SUPT3H: variants seen among roughly 807,000 people sequenced by gnomAD.
SUPT3H encodes the protein transcription initiation protein SPT3 homolog.
Under a neutral mutation model 44.3 loss-of-function variants are expected in SUPT3H, and 44 were observed. That is an observed-to-expected ratio of 0.99 (90% CI 0.78 to 1.28). The LOEUF is 1.28. SUPT3H is among the 50% of genes most tolerant of loss of function. The probability of loss-of-function intolerance (pLI) is 0.00; values close to 1 mark genes in which losing one functional copy is unlikely to be tolerated. For missense variants in SUPT3H, 380 were observed against 387.1 expected (o/e 0.98, Z 0.15); for synonymous variants, 124 against 125.6 (o/e 0.99, Z 0.09).
At chr6:45,239,167 T>TTATTC (rs1769805081) in intron 2 of SUPT3H, among the ~76,000 whole-genome samples, 3 of 152,208 alleles carry the variant, frequency 2.0e-5, no homozygotes, top group African/African-American at 4.8e-5. Context: ...TTCTACACAA[T>TTATTC]TAATTGAAAG....
At chr6:45,029,248 T>C (rs1329998207) in intron 3 of SUPT3H, among the ~76,000 whole-genome samples, 2 of 151,598 alleles carry the variant, frequency 1.3e-5, no homozygotes, top group Non-Finnish European at 2.9e-5. Context: ...TAAGTCAGGT[T>C]TTAAAAAATA....
chr6:45,191,092 T>TA (rs1815052658), intron 2 of SUPT3H, among the ~76,000 whole-genome samples: 1 of 152,120 alleles, frequency 6.6e-6, no homozygotes, highest in Non-Finnish European at 1.5e-5. Flanking sequence ...GTAAAAAACT[T>TA]ATGTCCACAT....
At chr6:45,306,272 C>T (rs1465611546) in intron 2 of SUPT3H, among the ~76,000 whole-genome samples, 5 of 152,202 alleles carry the variant, frequency 3.3e-5, no homozygotes, top group Admixed American at 2.0e-4. Context: ...CACAACTTCC[C>T]TGTTAGGAGT....
At chr6:45,172,475 T>G (rs529652415) in intron 2 of SUPT3H, among the ~76,000 whole-genome samples, 1 of 152,250 alleles carries the variant, frequency 6.6e-6, no homozygotes, top group South Asian at 2.1e-4. Flanking sequence ...ATCCAGGGAA[T>G]GCGGCTTGAT....
chr6:45,129,900 C>T lies in SUPT3H; in HGVS notation c.102-23894G>A, dbSNP rs78367148. Among the ~76,000 whole-genome samples, 353 of 152,004 alleles carry T rather than the reference C, an allele frequency of 2.3e-3. 1 individual carries two copies. Among genetic ancestry groups the T allele is most frequent in the African/African-American group, 7.8e-3 (323 of 41,480 alleles). On this transcript the variant is annotated intron_variant, in intron 2 of 10. Transcript: ENST00000371459. ...TAAGGAGAAATAAATAGAAATGAGT[C>T]AAAACACACACAAAAAAGGCAGTGT... is the stretch of plus-strand genomic sequence containing the variant.
intron 10 of SUPT3H, among the ~76,000 whole-genome samples, chr6:44,858,598 G>A (rs890551999): frequency 1.1e-4 from 16 of 152,162 alleles, no homozygotes; most frequent in Admixed American, 9.8e-4. Context: ...ATATAAAACT[G>A]TTGGCATTCA....
intron 2 of SUPT3H, among the ~76,000 whole-genome samples, chr6:45,212,481 A>ATGTGTGTGTGTGTGTG (rs11269206): frequency 2.5e-4 from 11 of 43,452 alleles, no homozygotes; most frequent in Admixed American, 8.7e-4. Context: ...CACCTCCACT[A>ATGTGTGTGTGTGTGTG]TGTGTGTGTG....
intron 2 of SUPT3H, among the ~76,000 whole-genome samples, chr6:45,206,072 G>A (rs984754858): frequency 2.6e-5 from 4 of 152,106 alleles, no homozygotes. Flanking sequence ...ATGTATCTAT[G>A]CAGTATGTAA....
intron 2 of SUPT3H, among the ~76,000 whole-genome samples, chr6:45,272,653 GAT>G (rs1776379042): frequency 2.0e-5 from 3 of 152,168 alleles, no homozygotes; most frequent in African/African-American, 7.2e-5. Flanking sequence ...GATGCCTAAT[GAT>G]ATCTCATGGA....
chr6:45,156,432 C>G (rs1395996788), intron 2 of SUPT3H, among the ~76,000 whole-genome samples: 1 of 152,084 alleles, frequency 6.6e-6, no homozygotes, highest in African/African-American at 2.4e-5. Context: ...ACACTTCTTA[C>G]GATAACCTTT....
In SUPT3H at chr6:45,095,912, A is replaced by C. The variant is rs1202576454; in HGVS notation, c.186+10010T>G. On this transcript the variant is annotated intron_variant, in intron 3 of 10. Coordinates refer to ENST00000371459, the MANE Select transcript of SUPT3H (RefSeq NM_003599.4). This position sits in a 1 kb window ranked among gnomAD's most constrained non-coding sequence, Gnocchi z 4.1. The stretch of plus-strand genomic sequence containing the variant: ...TGAAAAAGTTTGCATCTCTCTGGTA[A>C]ATGTGAAATTCTTGGAAATTTTCTA... Among the ~76,000 whole-genome samples, 4 of 152,124 alleles carry C rather than the reference A, an allele frequency of 2.6e-5. No individual in the cohort carries two copies. The highest frequency in any genetic ancestry group is 4.4e-5 in the Non-Finnish European group (3 of 67,992).
At chr6:45,367,179 T>A (rs929046592) in intron 1 of SUPT3H, among the ~76,000 whole-genome samples, 5 of 152,090 alleles carry the variant, frequency 3.3e-5, no homozygotes, top group African/African-American at 1.2e-4. Context: ...GTTTGGAATA[T>A]CCCAATATCC....
At chr6:44,955,863 G>A (rs1229151041) in intron 7 of SUPT3H, among the ~76,000 whole-genome samples, 1 of 152,106 alleles carries the variant, frequency 6.6e-6, no homozygotes, top group Non-Finnish European at 1.5e-5. Context: ...GCTCACGCCT[G>A]TAATCCCAGC....
chr6:44,940,300 T>A (rs1231143288), intron 9 of SUPT3H, among the ~76,000 whole-genome samples: 1 of 152,094 alleles, frequency 6.6e-6, no homozygotes, highest in Non-Finnish European at 1.5e-5. Context: ...TCTTCATTAA[T>A]CCCATGATCA....
chr6:45,315,940 G>GATAGATAA (rs1485600376), intron 2 of SUPT3H, among the ~76,000 whole-genome samples: 14 of 151,634 alleles, frequency 9.2e-5, no homozygotes, highest in African/African-American at 3.4e-4. Context: ...TAGATAGATA[G>GATAGATAA]ATAGATAGAT....
intron 2 of SUPT3H, among the ~76,000 whole-genome samples, chr6:45,154,141 G>A (rs116808829): frequency 1.2e-3 from 171 of 146,696 alleles, no homozygotes; most frequent in African/African-American, 4.0e-3. Flanking sequence ...AATCCCAAAG[G>A]TCAATCAATA....
intron 2 of SUPT3H, among the ~76,000 whole-genome samples, chr6:45,244,639 T>A (rs1771017817): frequency 6.6e-6 from 1 of 152,164 alleles, no homozygotes; most frequent in African/African-American, 2.4e-5. Context: ...CTCTACCTGT[T>A]TAACACTGTT....
At chr6:45,314,428 A>G (rs1239316882) in intron 2 of SUPT3H, among the ~76,000 whole-genome samples, 1 of 152,232 alleles carries the variant, frequency 6.6e-6, no homozygotes, top group Non-Finnish European at 1.5e-5. Context: ...TAGAATTGAT[A>G]AAAGAATTCA....
intron 2 of SUPT3H, among the ~76,000 whole-genome samples, chr6:45,304,790 C>A (rs1229684616): frequency 6.6e-6 from 1 of 152,082 alleles, no homozygotes; most frequent in African/African-American, 2.4e-5. Flanking sequence ...TTAGAAAATG[C>A]ACAATGCCAT....
Sources: gnomAD v4.1 joint callset for allele counts (sites outside exome capture counted in the v4.1 genomes callset) on GRCh38, gnomAD v4.1.1 for gene constraint, Gnocchi (gnomAD v3.1) non-coding constraint, MANE v1.5 for transcripts, NCBI Gene and HGNC (gene_info 2026-07-23, HGNC 2026-07-21) for gene names.